Variants in SOX6 observed in about 807,000 individuals in gnomAD.
The protein encoded by SOX6 is transcription factor SOX-6.
A neutral mutation model predicts 97.8 loss-of-function variants in SOX6; 11 were observed. The observed-to-expected ratio is 0.11, with a 90% CI of 0.07 to 0.19. The LOEUF (loss-of-function observed/expected upper bound fraction) is 0.19, where lower values mean the gene tolerates loss of function less well. SOX6 is among the 10% of genes least tolerant of loss of function. The probability of loss-of-function intolerance (pLI) is 1.00; values close to 1 mark genes in which losing one functional copy is unlikely to be tolerated. For synonymous variants in SOX6, 360 were observed against 371.4 expected (o/e 0.97, Z 0.35); for missense variants, 810 against 1,039.5 (o/e 0.78, Z 3.04).
intron 13 of SOX6, among the ~76,000 whole-genome samples, chr11:16,000,560 G>C (rs1854374284): frequency 6.6e-6 from 1 of 151,872 alleles, no homozygotes; most frequent in Non-Finnish European, 1.5e-5. Context: ...TTCATTTGCT[G>C]AATGTTGAGG....
intron 9 of SOX6, among the ~76,000 whole-genome samples, chr11:16,092,052 T>C (rs978375593): frequency 6.6e-6 from 1 of 152,042 alleles, no homozygotes; most frequent in African/African-American, 2.4e-5. Flanking sequence ...GTGAAATTAC[T>C]TGTCTTGGAG....
At chr11:16,235,162 A>G (rs558909811) in intron 3 of SOX6, among the ~76,000 whole-genome samples, 16 of 152,042 alleles carry the variant, frequency 1.1e-4, no homozygotes, top group Non-Finnish European at 2.2e-4. Context: ...TTTATAAAAT[A>G]TCCAATTAAA....
At chr11:16,733,579 G>A (rs1307425219) in intron 2 of SOX6, among the ~76,000 whole-genome samples, 1 of 151,702 alleles carries the variant, frequency 6.6e-6, no homozygotes, top group Non-Finnish European at 1.5e-5. Context: ...GGCCTGTTGG[G>A]GGTGGGGGGC....
chr11:16,618,991 C>T (rs922105418), intron 3 of SOX6, among the ~76,000 whole-genome samples: 3 of 151,990 alleles, frequency 2.0e-5, no homozygotes, highest in African/African-American at 7.2e-5. Flanking sequence ...GTGCAGTAGA[C>T]AATCCATCTT....
intron 3 of SOX6, among the ~76,000 whole-genome samples, chr11:16,625,223 T>A (rs1275116277): frequency 6.6e-6 from 1 of 152,234 alleles, no homozygotes; most frequent in Non-Finnish European, 1.5e-5. Context: ...GTTGCAAGAT[T>A]GCAAAAGTAG....
chr11:16,514,117 G>A (rs1356386793), intron 4 of SOX6, among the ~76,000 whole-genome samples: 1 of 151,426 alleles, frequency 6.6e-6, no homozygotes, highest in Non-Finnish European at 1.5e-5. Flanking sequence ...TCAGGAGGCT[G>A]AGGTGAGAGA....
chr11:16,230,559 G>C (rs1852817674), intron 4 of SOX6, among the ~76,000 whole-genome samples: 2 of 151,676 alleles, frequency 1.3e-5, no homozygotes, highest in South Asian at 2.1e-4. Context: ...CAAATGTGCA[G>C]AATTATTGAG....
At chr11:16,456,951 T>A (rs1336354718) in intron 1 of SOX6, among the ~76,000 whole-genome samples, 1 of 152,042 alleles carries the variant, frequency 6.6e-6, no homozygotes, top group African/African-American at 2.4e-5. Context: ...TTTTTGAAAA[T>A]CAAAGGTTTT....
At chr11:16,524,475 C>T (rs1440699898) in intron 4 of SOX6, among the ~76,000 whole-genome samples, 5 of 152,016 alleles carry the variant, frequency 3.3e-5, no homozygotes, top group African/African-American at 9.7e-5. Context: ...ATTGATGGGA[C>T]ATATCTCAAA....
chr11:16,209,921 T>A (rs879594935), intron 4 of SOX6, among the ~76,000 whole-genome samples: 5 of 152,148 alleles, frequency 3.3e-5, no homozygotes, highest in Admixed American at 2.0e-4. Flanking sequence ...GAGCCTTAGT[T>A]TCTCCATATA....
chr11:16,147,105 A>C (rs549459058), intron 6 of SOX6, among the ~76,000 whole-genome samples: 1 of 152,158 alleles, frequency 6.6e-6, no homozygotes, highest in Non-Finnish European at 1.5e-5. Context: ...AACCAACCCA[A>C]ATGTCCAACA....
chr11:16,679,500 AG>A (rs1847909927), intron 3 of SOX6, among the ~76,000 whole-genome samples: 1 of 152,224 alleles, frequency 6.6e-6, no homozygotes, highest in Admixed American at 6.5e-5. Flanking sequence ...AAACCCACAA[AG>A]GTGGGGAGAA....
At chr11:16,445,976 G>C (rs1262021269) in intron 1 of SOX6, among the ~76,000 whole-genome samples, 2 of 152,082 alleles carry the variant, frequency 1.3e-5, no homozygotes, top group Non-Finnish European at 2.9e-5. Context: ...ACATTTTCCA[G>C]AAATAGGACA....
Position 16,132,252 on chromosome 11 carries a change from GAAGA to G in SOX6, c.778-20333_778-20330del, listed in dbSNP as rs1416412107. ...AAAAAAAAGAAAGAAAGAAAGGAAG[GAAGA>G]AAGAAAGAAAGAAGGAAGGAAGGAA... On this transcript the variant is annotated intron_variant, in intron 6 of 15. Transcript: ENST00000683767. Among the ~76,000 whole-genome samples the G allele has an allele frequency of 1.6e-3, 185 of 117,154 alleles. 7 individuals carry two copies. Among genetic ancestry groups the G allele is most frequent in the African/African-American group, 6.0e-3 (170 of 28,184 alleles). The allele number at this position is 117,154 out of a possible 152,430, so 76.9% of individuals were successfully genotyped here. A position where few individuals can be genotyped will look rare whatever the true frequency, so the allele number is the denominator to read the frequency against.
At position 16,553,588 on chromosome 11, in the gene SOX6, T is replaced by TA. The variant is rs1217271771; in HGVS notation, n.609+58492_609+58493insT. Among the ~76,000 whole-genome samples, 4 of 151,906 alleles carry TA rather than the reference T, an allele frequency of 2.6e-5. 1 individual carries two copies. The South Asian group carries it at 8.4e-4, about 32-fold the overall frequency. ...TCTGCTGATTTTGGCCATTTTTTTT[T>TA]TTTTTTACTTTATTCTGTCTGGACC... On this transcript the variant is annotated intron_variant and non_coding_transcript_variant, in intron 4 of 5. Transcript: ENST00000524520.
At chr11:16,484,252 G>T in intron 4 of SOX6, 1 of 1,064,088 alleles carries the variant, frequency 9.4e-7, no homozygotes, top group Non-Finnish European at 1.5e-6. Flanking sequence ...CTGCCCATGT[G>T]TCCAGAATGT....
rs540697310 is a variant in SOX6 at position 16,424,910 on chromosome 11, A to G, written c.-5+51405T>C. The stretch of plus-strand genomic sequence containing the variant: ...GAATGAATTAAAGGACATCAGAAAG[A>G]TACATTGACTGTTCTCCTTCCCAGG... On this transcript the variant is annotated intron_variant, in intron 1 of 15. Coordinates refer to the SOX6 transcript ENST00000396356. Among the ~76,000 whole-genome samples, 5 of 152,344 alleles carry G rather than the reference A, an allele frequency of 3.3e-5. No homozygotes were observed. The East Asian group carries it at 9.6e-4, about 29-fold the overall frequency.
intron 3 of SOX6, among the ~76,000 whole-genome samples, chr11:16,662,991 T>G (rs1847777722): frequency 6.7e-6 from 1 of 150,018 alleles, no homozygotes; most frequent in South Asian, 2.1e-4. Context: ...ATACCCATCC[T>G]AAAAAAAAGT....
At chr11:16,485,990 G>A (rs1172877726) in intron 4 of SOX6, among the ~76,000 whole-genome samples, 1 of 45,746 alleles carries the variant, frequency 2.2e-5, no homozygotes, top group Non-Finnish European at 3.7e-5. Flanking sequence ...GGGGAGGGGA[G>A]GGGAGGGGAA....
Sources: gnomAD v4.1 joint callset for allele counts (sites outside exome capture counted in the v4.1 genomes callset) on GRCh38, gnomAD v4.1.1 for gene constraint, MANE v1.5 for transcripts, NCBI Gene and HGNC (gene_info 2026-07-23, HGNC 2026-07-21) for gene names.